The following AAK1 variants were observed in gnomAD, a reference collection of about 807,000 sequenced individuals.
AAK1 encodes AP2-associated protein kinase 1.
AAK1 carries 37 observed loss-of-function variants against 116.0 expected under a neutral mutation model. The ratio of observed to expected loss-of-function variants is 0.32; its 90% CI spans 0.25 to 0.42. The LOEUF (loss-of-function observed/expected upper bound fraction) is 0.42. Ranked by LOEUF, AAK1 falls within the 10% of genes least tolerant of loss-of-function variation. The probability of loss-of-function intolerance (pLI) is 1.00; values close to 1 mark genes in which losing one functional copy is unlikely to be tolerated. For missense variants in AAK1, 919 were observed against 1,170.6 expected (o/e 0.79, Z 3.14); for synonymous variants, 458 against 439.9 (o/e 1.04, Z -0.51).
chr2:69,496,273 GTTT>G (rs1182573863), intron 16 of AAK1, among the ~76,000 whole-genome samples, 193 bp from the exon 17 acceptor site: 2 of 136,634 alleles, frequency 1.5e-5, no homozygotes, highest in Non-Finnish European at 3.1e-5. Context: ...AATCTGGCCC[GTTT>G]TTTTTTTTTT....
intron 16 of AAK1, among the ~76,000 whole-genome samples, chr2:69,500,698 T>TATATATATATATATATATACAC: frequency 7.7e-5 from 5 of 65,092 alleles, no homozygotes; most frequent in Non-Finnish European, 1.3e-4. Flanking sequence ...TATATATATA[T>TATATATATATATATATATACAC]ACACACACAC....
intron 2 of AAK1, among the ~76,000 whole-genome samples, chr2:69,606,121 C>T (rs543289193): frequency 2.6e-5 from 4 of 152,284 alleles, no homozygotes; most frequent in Non-Finnish European, 5.9e-5. Flanking sequence ...TCAGAAGAAC[C>T]ATCTTTAAGG....
At chr2:69,601,239 GAC>G (rs1270883896) in intron 2 of AAK1, among the ~76,000 whole-genome samples, 1 of 152,206 alleles carries the variant, frequency 6.6e-6, no homozygotes, top group Non-Finnish European at 1.5e-5. Flanking sequence ...TTCTTCATAT[GAC>G]ACACAGTTCT....
chr2:69,554,568 A>G (rs1157898822), intron 3 of AAK1, among the ~76,000 whole-genome samples: 1 of 152,256 alleles, frequency 6.6e-6, no homozygotes, highest in Admixed American at 6.5e-5. Flanking sequence ...AGATGAGAAT[A>G]CTGCAAGTAT....
chr2:69,620,275 T>C (rs1573014395), intron 2 of AAK1, among the ~76,000 whole-genome samples: 1 of 152,190 alleles, frequency 6.6e-6, no homozygotes, highest in South Asian at 2.1e-4. Context: ...TTTTTAAAAA[T>C]GAAGACTACT....
At position 69,585,374 on chromosome 2, in the gene AAK1, T is replaced by C. The variant is rs114691204; in HGVS notation, c.164-28396A>G. On this transcript the variant is annotated intron_variant, in intron 2 of 21. Transcript: ENST00000409085. ...ACTGCGCCCAGCCAGGAGATATTCT[T>C]AAGCTAGAGGTCCATGTCCCCACAC... Among the ~76,000 whole-genome samples the C allele has an allele frequency of 7.5e-3, 1,149 of 152,258 alleles. 6 individuals carry two copies. Among genetic ancestry groups the C allele is most frequent in the Non-Finnish European group, 0.013 (877 of 68,026 alleles).
At chr2:69,546,678 T>G (rs1670938659) in intron 3 of AAK1, among the ~76,000 whole-genome samples, 1 of 152,164 alleles carries the variant, frequency 6.6e-6, no homozygotes, top group African/African-American at 2.4e-5. Context: ...TTTGAAGGCT[T>G]GTGTCCCCTC....
chr2:69,591,804 C>T (rs573740664), intron 2 of AAK1, among the ~76,000 whole-genome samples: 6 of 152,058 alleles, frequency 3.9e-5, no homozygotes, highest in Admixed American at 6.5e-5. Context: ...CTCCTGACCT[C>T]GTGATCCGCC....
intron 8 of AAK1, 106 bp from the exon 9 acceptor site, chr2:69,527,425 A>C (rs969524676): frequency 5.2e-6 from 4 of 762,050 alleles, no homozygotes; most frequent in African/African-American, 1.7e-5. Context: ...TTAAACTTTT[A>C]TTTTTCATAG....
intron 2 of AAK1, among the ~76,000 whole-genome samples, chr2:69,571,573 A>G (rs963488122): frequency 3.3e-5 from 5 of 152,228 alleles, no homozygotes; most frequent in Non-Finnish European, 7.3e-5. Context: ...AGAACATATG[A>G]GCTCAATAAT....
chr2:69,584,283 T>C (rs765869450), intron 2 of AAK1, among the ~76,000 whole-genome samples: 7 of 152,222 alleles, frequency 4.6e-5, no homozygotes, highest in Non-Finnish European at 4.4e-5. Flanking sequence ...AATTAGGTCA[T>C]TACATAATAC....
Position 69,470,427 on chromosome 2 carries a change from G to A in AAK1, c.*5442C>T. ...CTTCTAGCTCACATAACAAAATTAA[G>A]CATTTGGTTCCACCATATATTAGGT... On this transcript the variant is annotated 3_prime_UTR_variant, in exon 22 of 22. Transcript: ENST00000409085. 2.5e-5 allele frequency: 25 copies of A among 985,296 alleles called. No individual in the cohort carries two copies. Among genetic ancestry groups the A allele is most frequent in the Non-Finnish European group, 3.0e-5 (25 of 829,884 alleles). The allele number at this position is 985,296 out of a possible 1,614,324, so 61.0% of individuals were successfully genotyped here.
intron 13 of AAK1, among the ~76,000 whole-genome samples, chr2:69,511,248 C>A (rs781546295): frequency 5.3e-5 from 8 of 152,192 alleles, no homozygotes; most frequent in Non-Finnish European, 1.2e-4. Flanking sequence ...ACTAGACTAT[C>A]CAGCTACCTG....
chr2:69,506,868 C>CTCTGTG (rs113690589), intron 15 of AAK1, among the ~76,000 whole-genome samples: 2 of 149,246 alleles, frequency 1.3e-5, no homozygotes, highest in African/African-American at 2.5e-5. Flanking sequence ...GTGCATGTGC[C>CTCTGTG]TGTGTGTGTG....
At chr2:69,570,172 C>G (rs1259005158) in intron 2 of AAK1, among the ~76,000 whole-genome samples, 1 of 152,148 alleles carries the variant, frequency 6.6e-6, no homozygotes, top group African/African-American at 2.4e-5. Flanking sequence ...TCAATACTCC[C>G]TCTTCCTCAC....
At chr2:69,569,581 C>A (rs927880876) in intron 2 of AAK1, among the ~76,000 whole-genome samples, 1 of 152,116 alleles carries the variant, frequency 6.6e-6, no homozygotes, top group Non-Finnish European at 1.5e-5. Flanking sequence ...GTAACCCAAA[C>A]CCCCATCAAA....
At chr2:69,606,569 A>G (rs570406400) in intron 2 of AAK1, among the ~76,000 whole-genome samples, 1 of 152,348 alleles carries the variant, frequency 6.6e-6, no homozygotes, top group South Asian at 2.1e-4. Context: ...GAACAGACAT[A>G]CATCGTCCTG....
chr2:69,540,937 C>T (rs1670688804), intron 5 of AAK1, among the ~76,000 whole-genome samples: 1 of 152,160 alleles, frequency 6.6e-6, no homozygotes, highest in African/African-American at 2.4e-5. Context: ...AAATGAAGTA[C>T]TGATACATAC....
At chr2:69,517,356 T>C (rs982760248) in intron 12 of AAK1, among the ~76,000 whole-genome samples, 3 of 152,110 alleles carry the variant, frequency 2.0e-5, no homozygotes, top group Non-Finnish European at 4.4e-5. Flanking sequence ...CCATCCCTGA[T>C]GAATTAAGGA....
Sources: gnomAD v4.1 joint callset for allele counts (sites outside exome capture counted in the v4.1 genomes callset) on GRCh38, gnomAD v4.1.1 for gene constraint, MANE v1.5 for transcripts, NCBI Gene and HGNC (gene_info 2026-07-23, HGNC 2026-07-21) for gene names.